The following SMPD4 variants were observed in gnomAD, a reference collection of about 807,000 sequenced individuals.
SMPD4 encodes sphingomyelin phosphodiesterase 4, also known as neutral sphingomyelinase 3.
A neutral mutation model predicts 97.8 loss-of-function variants in SMPD4; 58 were observed. That is an observed-to-expected ratio of 0.59 (90% CI 0.48 to 0.74). SMPD4 has a LOEUF of 0.74. SMPD4 is among the 30% of genes least tolerant of loss of function. The pLI is 0.00. For missense variants in SMPD4, 853 were observed against 1,080.5 expected (o/e 0.79, Z 2.95); for synonymous variants, 388 against 450.0 (o/e 0.86, Z 1.74).
At chr2:130,157,453 C>G (rs116702261) in intron 11 of SMPD4, 57 bp from the exon 12 acceptor site, 2 of 1,604,952 alleles carry the variant, frequency 1.2e-6, no homozygotes, top group African/African-American at 1.3e-5. Flanking sequence ...CATAGCACTC[C>G]GCCTCCAGGT....
rs1686304331 is a variant in SMPD4, at chr2:130,152,199, G to A, written c.*356C>T. On this transcript the variant is annotated 3_prime_UTR_variant, in exon 20 of 20. Transcript: ENST00000680298. ...GGGAGGCCAGGCCCAGGTGGCTGTT[G>A]GCAGGCTGGCTCCCAAGCTTGGTGC... is the stretch of plus-strand genomic sequence containing the variant. The A allele has an allele frequency of 4.6e-6, 1 of 216,762 alleles. No individual in the cohort carries two copies. The highest frequency in any genetic ancestry group is 9.2e-6 in the Non-Finnish European group (1 of 108,832). 13.4% of individuals were successfully genotyped at this position (216,762 alleles called of 1,614,324 possible). A position where few individuals can be genotyped will look rare whatever the true frequency, so the allele number is the denominator to read the frequency against.
At chr2:130,161,034 T>C in intron 11 of SMPD4, 152 bp downstream of exon 11, 1 of 655,862 alleles carries the variant, frequency 1.5e-6, no homozygotes, top group East Asian at 2.8e-5. Flanking sequence ...CAAGCCAGGC[T>C]GGAGGCTGAC....
At chr2:130,155,921 G>A (rs1198147003) in intron 14 of SMPD4, 114 bp downstream of exon 14, 12 of 1,048,406 alleles carry the variant, frequency 1.1e-5, no homozygotes, top group South Asian at 7.3e-5. Context: ...AGGAGGCCAC[G>A]GGGGCCAGGG....
rs1358193167 is a variant in SMPD4, at chr2:130,159,164, T to G, written c.952-1768A>C. ...CGCACACACCACCACACCAGGCTAATTTTTGTATTTGTAGAGACAGGGGTT... is the reference window on the plus strand; with the variant it reads ...CGCACACACCACCACACCAGGCTAAGTTTTGTATTTGTAGAGACAGGGGTT... On this transcript the variant is annotated intron_variant, in intron 11 of 19. Coordinates refer to ENST00000680298, the MANE Select transcript of SMPD4 (RefSeq NM_017951.5). Among the ~76,000 whole-genome samples the G allele has an allele frequency of 2.0e-5, 3 of 152,062 alleles. 1 individual carries two copies. The highest frequency in any genetic ancestry group is 7.2e-5 in the African/African-American group (3 of 41,428).
intron 10 of SMPD4, among the ~76,000 whole-genome samples, chr2:130,161,889 A>G (rs893701065): frequency 2.0e-5 from 3 of 152,240 alleles, no homozygotes; most frequent in African/African-American, 7.2e-5. Flanking sequence ...CCAAATTGGT[A>G]TAAGACATGA....
At chr2:130,161,105 C>T (rs1003064876) in intron 11 of SMPD4, 81 bp downstream of exon 11, 11 of 1,352,780 alleles carry the variant, frequency 8.1e-6, no homozygotes, top group African/African-American at 4.3e-5. Context: ...GAGTCACCAG[C>T]GGCCGGCCCC....
intron 2 of SMPD4, among the ~76,000 whole-genome samples, chr2:130,176,231 CTATT>C (rs1294350061): frequency 3.9e-5 from 6 of 152,198 alleles, no homozygotes; most frequent in Non-Finnish European, 7.3e-5. Flanking sequence ...TACTTCATAT[CTATT>C]TAAGAATTTA....
chr2:130,168,140 G>C (rs180916659), intron 8 of SMPD4, among the ~76,000 whole-genome samples: 28 of 152,322 alleles, frequency 1.8e-4, no homozygotes, highest in African/African-American at 6.5e-4. Context: ...CACGAGTTGA[G>C]GCTATAGTGA....
At chr2:130,165,108 T>TAAAAA (rs35361623) in intron 9 of SMPD4, among the ~76,000 whole-genome samples, 3 of 61,894 alleles carry the variant, frequency 4.8e-5, no homozygotes, top group Admixed American at 2.0e-4. Flanking sequence ...GACTCTGATT[T>TAAAAA]AAAAAAAAAA....
At chr2:130,161,642 G>A (rs1687431056) in intron 10 of SMPD4, among the ~76,000 whole-genome samples, 1 of 152,110 alleles carries the variant, frequency 6.6e-6, no homozygotes. Context: ...CCAACTCACT[G>A]CCCTTCAAGA....
chr2:130,179,185 G>A (rs1240750576), intron 1 of SMPD4, among the ~76,000 whole-genome samples: 1 of 150,044 alleles, frequency 6.7e-6, no homozygotes, highest in Non-Finnish European at 1.5e-5. Context: ...GTCCTGTGGC[G>A]CTATCTTGGC....
chr2:130,153,364 G>C lies in SMPD4; in HGVS notation c.1980C>G (p.Ile660Met), dbSNP rs368168049. The C allele has an allele frequency of 1.9e-4, 311 of 1,613,860 alleles. 1 individual carries two copies. In the South Asian group the frequency reaches 3.2e-3, roughly 17 times the overall value. The stretch of plus-strand genomic sequence containing the variant: ...TAAGGATGAGTCCGTCCTCACCCAC[G>C]ATGCAGTCGGGGAGTTGCTTTTTTC... ...ENGKKQLPDC[I>M]VGEDGLILTP... Residue 660 changes from isoleucine (I) to methionine (M), a missense_variant, in exon 18 of 20, where the codon ATC (isoleucine) becomes ATG (methionine). By Grantham distance (10) the Ile-to-Met change is conservative (BLOSUM62 1). This residue lies in a region of SMPD4 where 511 missense variants were observed against 608.1 expected (regional missense o/e 0.84). Transcript: ENST00000680298.
intron 3 of SMPD4, 141 bp from the exon 4 acceptor site, chr2:130,173,797 A>C (rs1688708941): frequency 2.7e-6 from 3 of 1,116,844 alleles, no homozygotes; most frequent in Non-Finnish European, 3.8e-6. Flanking sequence ...CTGCACCCAA[A>C]GGAAGCCTGG....
In SMPD4 at chr2:130,152,418, T is replaced by C. The variant is rs1686318448; in HGVS notation, c.*137A>G. ...TGGTTGCGTTTCCTCCAGATGCCTC[T>C]GCGGCTGCAGGAACCCCGCTCCAGA... is the stretch of plus-strand genomic sequence containing the variant. On this transcript the variant is annotated 3_prime_UTR_variant, in exon 20 of 20. Transcript: ENST00000680298. 9.8e-6 allele frequency: 10 copies of C among 1,021,692 alleles called. No individual in the cohort carries two copies. Among genetic ancestry groups the C allele is most frequent in the African/African-American group, 1.6e-5 (1 of 61,620 alleles). 63.3% of individuals were successfully genotyped at this position (1,021,692 alleles called of 1,614,324 possible).
At position 130,156,681 on chromosome 2, in the gene SMPD4, G is replaced by A. The variant is rs2104814502; in HGVS notation, c.1098-6C>T. ...CGAACCTCGGGACAGCAGCCCTGCAGGGGATGGGGAGGGTCACCTGCTGCT... is the reference window on the plus strand; with the variant it reads ...CGAACCTCGGGACAGCAGCCCTGCAAGGGATGGGGAGGGTCACCTGCTGCT... On this transcript the variant is annotated splice_polypyrimidine_tract_variant and splice_region_variant and intron_variant, in intron 12 of 19. Transcript: ENST00000680298. 6.2e-7 allele frequency: 1 copy of A among 1,612,144 alleles called. No homozygotes were observed. Among genetic ancestry groups the A allele is most frequent in the Non-Finnish European group, 8.5e-7 (1 of 1,179,154 alleles).
rs577516604 is a variant in SMPD4 at position 130,152,338 on chromosome 2, A to G, written c.*217T>C. ...TGAGCTCTGCGCTGTCACAGAGCGT[A>G]GCTGTTGAGCCCTGGCAGCTACTCC... On this transcript the variant is annotated 3_prime_UTR_variant, in exon 20 of 20. Transcript: ENST00000680298. 146 of 591,500 alleles carry G rather than the reference A, an allele frequency of 2.5e-4. 1 individual carries two copies. The highest frequency in any genetic ancestry group is 2.3e-3 in the South Asian group (109 of 47,186). The allele number at this position is 591,500 out of a possible 1,614,324, so 36.6% of individuals were successfully genotyped here.
rs1315812701 is a variant in SMPD4, at chr2:130,152,461, G to C, written c.*94C>G. The stretch of plus-strand genomic sequence containing the variant: ...GCTCCAGAAGCCCGAGGATGACCGT[G>C]TTCCCTCCTGGAGGGGCTTCCCAGG... On this transcript the variant is annotated 3_prime_UTR_variant, in exon 20 of 20. Coordinates refer to ENST00000680298, the MANE Select transcript of SMPD4 (RefSeq NM_017951.5). 6.9e-6 allele frequency: 9 copies of C among 1,312,538 alleles called. No homozygotes were observed. The highest frequency in any genetic ancestry group is 9.2e-6 in the Non-Finnish European group (9 of 973,306). 81.3% of individuals were successfully genotyped at this position (1,312,538 alleles called of 1,614,324 possible).
chr2:130,158,561 G>C (rs954819964), intron 11 of SMPD4, among the ~76,000 whole-genome samples: 100 of 152,292 alleles, frequency 6.6e-4, no homozygotes, highest in African/African-American at 2.4e-3. Flanking sequence ...ATACAGGCGT[G>C]AGCCACTGTG....
chr2:130,175,471 T>C (rs1024318361), intron 2 of SMPD4, among the ~76,000 whole-genome samples: 1 of 151,022 alleles, frequency 6.6e-6, no homozygotes, highest in Non-Finnish European at 1.5e-5. Context: ...ATCACGGCTA[T>C]GGCAGAAGCT....
Sources: allele counts gnomAD v4.1 joint callset (sites outside exome capture counted in the v4.1 genomes callset), GRCh38; gene constraint gnomAD v4.1.1; regional missense constraint gnomAD v4.1.1; transcripts MANE v1.5; gene names NCBI Gene and HGNC (gene_info 2026-07-23, HGNC 2026-07-21).